MCF2L2: variants seen among roughly 807,000 people sequenced by gnomAD.
The protein encoded by MCF2L2 is MCF.2 cell line derived transforming sequence-like 2, also known as probable guanine nucleotide exchange factor MCF2L2.
Under a neutral mutation model 150.2 loss-of-function variants are expected in MCF2L2, and 102 were observed. The observed-to-expected ratio is 0.68, with a 90% confidence interval of 0.58 to 0.80. The LOEUF is 0.80. MCF2L2 is among the 30% of genes least tolerant of loss of function. MCF2L2 has a pLI of 0.00. For missense variants in MCF2L2, 1,256 were observed against 1,372.8 expected (o/e 0.91, Z 1.34); for synonymous variants, 465 against 491.3 (o/e 0.95, Z 0.71).
intron 14 of MCF2L2, among the ~76,000 whole-genome samples, chr3:183,282,184 T>C (rs1727528897): frequency 6.6e-6 from 1 of 151,744 alleles, no homozygotes. Context: ...TTTTATTTTA[T>C]TTTATTTTAT....
chr3:183,392,058 A>T (rs1364776147), intron 1 of MCF2L2, among the ~76,000 whole-genome samples: 1 of 152,188 alleles, frequency 6.6e-6, no homozygotes, highest in African/African-American at 2.4e-5. Flanking sequence ...TGGCCAAGCA[A>T]GCATATTTCA....
intron 15 of MCF2L2, among the ~76,000 whole-genome samples, chr3:183,232,620 T>C (rs1363331843): frequency 6.6e-6 from 1 of 152,158 alleles, no homozygotes; most frequent in Non-Finnish European, 1.5e-5. Context: ...TCCTAGAAAA[T>C]GATTTGTTTT....
At chr3:183,184,700 G>A (rs1721635810) in intron 27 of MCF2L2, among the ~76,000 whole-genome samples, 2 of 152,172 alleles carry the variant, frequency 1.3e-5, no homozygotes, top group South Asian at 4.1e-4. Context: ...CTAGTAATGA[G>A]CTGAAATTAT....
chr3:183,190,725 C>A (rs1440326692), intron 27 of MCF2L2, among the ~76,000 whole-genome samples: 1 of 152,170 alleles, frequency 6.6e-6, no homozygotes, highest in Non-Finnish European at 1.5e-5. Flanking sequence ...CAGCTGAGGG[C>A]AACTGCCTGA....
intron 5 of MCF2L2, among the ~76,000 whole-genome samples, chr3:183,325,113 G>A (rs1189932598): frequency 9.1e-6 from 1 of 110,384 alleles, no homozygotes; most frequent in South Asian, 3.3e-4. Flanking sequence ...TCCGGGGACT[G>A]TTGTGGGGTG....
chr3:183,207,457 G>A, intron 23 of MCF2L2, 151 bp downstream of exon 23: 1 of 640,268 alleles, frequency 1.6e-6, no homozygotes, highest in Non-Finnish European at 2.7e-6. Context: ...GAGTCAGACA[G>A]ACCCGGCTAT....
chr3:183,343,689 G>T (rs1259659515), intron 3 of MCF2L2, among the ~76,000 whole-genome samples: 1 of 152,088 alleles, frequency 6.6e-6, no homozygotes. Context: ...ACTTGAATCT[G>T]CAAGAAGAAA....
Position 183,270,227 on chromosome 3 carries a change from A to G in MCF2L2, c.1862+6645T>C. 1 of 1,614,186 alleles carries G rather than the reference A, an allele frequency of 6.2e-7. No individual in the cohort carries two copies. Among genetic ancestry groups the G allele is most frequent in the Non-Finnish European group, 8.5e-7 (1 of 1,180,018 alleles). ...ATCCACTGGAGGGAGAAGAACTACA[A>G]AGAAAACTGGCTTGGGAAGATCAAA... is the stretch of plus-strand genomic sequence containing the variant. On this transcript the variant is annotated intron_variant, in intron 15 of 29. Transcript: ENST00000328913. The surrounding 1 kb of genome is among the most constrained non-coding windows in gnomAD (Gnocchi z 4.5).
At chr3:183,306,687 G>T (rs1360860083) in intron 10 of MCF2L2, among the ~76,000 whole-genome samples, 4 of 152,228 alleles carry the variant, frequency 2.6e-5, no homozygotes, top group African/African-American at 9.6e-5. Context: ...GAAATTGAAT[G>T]ATGGACACTT....
chr3:183,249,801 G>C (rs1477307600), intron 15 of MCF2L2, among the ~76,000 whole-genome samples: 1 of 152,218 alleles, frequency 6.6e-6, no homozygotes, highest in African/African-American at 2.4e-5. Context: ...CTACGGATGG[G>C]ATTCTTGGAA....
At chr3:183,210,976 C>T (rs555744091) in intron 22 of MCF2L2, among the ~76,000 whole-genome samples, 2 of 152,148 alleles carry the variant, frequency 1.3e-5, no homozygotes, top group African/African-American at 4.8e-5. Context: ...CTGAAGAAAA[C>T]AGGAGGAAGT....
chr3:183,296,891 G>A, intron 12 of MCF2L2, 85 bp downstream of exon 12: 2 of 1,434,238 alleles, frequency 1.4e-6, no homozygotes, highest in Non-Finnish European at 1.9e-6. Context: ...AGTACCCTGT[G>A]TGTACTTTAT....
chr3:183,297,502 G>A (rs1441281208), intron 11 of MCF2L2: 1 of 250,350 alleles, frequency 4.0e-6, no homozygotes, highest in African/African-American at 2.2e-5. Flanking sequence ...ACCCAGGCTG[G>A]AGTACAGTAG....
At chr3:183,393,224 G>A (rs1274408873) in intron 1 of MCF2L2, among the ~76,000 whole-genome samples, 7 of 135,778 alleles carry the variant, frequency 5.2e-5, no homozygotes, top group African/African-American at 1.7e-4. Flanking sequence ...GTGGAGTTTC[G>A]CTCTTGTTGC....
intron 14 of MCF2L2, among the ~76,000 whole-genome samples, chr3:183,278,927 T>C (rs752305161): frequency 2.0e-5 from 3 of 152,194 alleles, no homozygotes; most frequent in African/African-American, 4.8e-5. Context: ...TCTGCTGACA[T>C]GTGTCAGATG....
Position 183,180,089 on chromosome 3 carries a change from C to T in MCF2L2, c.3087G>A (p.Lys1029=), listed in dbSNP as rs778653217. ...EDCEGAEDME[K]ESSALSLAGL... ...TAATTACACTCAGAGCACTGCTCTC[C>T]TTTTCCATGTCTTCTGCGCCTTCAC... Residue 1029 remains lysine (K), a synonymous_variant, in exon 28 of 30, where the codon AAG becomes AAA. Coordinates refer to ENST00000328913, the MANE Select transcript of MCF2L2 (RefSeq NM_015078.4). 1 of 1,613,936 alleles carries T rather than the reference C, an allele frequency of 6.2e-7. No individual in the cohort carries two copies.
At chr3:183,294,221 A>G (rs1055721257) in intron 13 of MCF2L2, among the ~76,000 whole-genome samples, 6 of 152,206 alleles carry the variant, frequency 3.9e-5, no homozygotes, top group African/African-American at 1.4e-4. Flanking sequence ...GAACTTACCT[A>G]TTTTTTAAAT....
intron 1 of MCF2L2, among the ~76,000 whole-genome samples, chr3:183,427,420 G>A (rs967273568): frequency 2.0e-5 from 3 of 152,166 alleles, no homozygotes; most frequent in African/African-American, 7.2e-5. Flanking sequence ...CAGGCCTAGC[G>A]GCCGAGCTGC....
chr3:183,286,073 G>A (rs1378275898), intron 14 of MCF2L2, among the ~76,000 whole-genome samples: 1 of 152,182 alleles, frequency 6.6e-6, no homozygotes, highest in Non-Finnish European at 1.5e-5. Context: ...GATGGCCCCG[G>A]AAGAGTCTCA....
Sources: gnomAD v4.1 joint callset for allele counts (sites outside exome capture counted in the v4.1 genomes callset) on GRCh38, gnomAD v4.1.1 for gene constraint, Gnocchi (gnomAD v3.1) non-coding constraint, MANE v1.5 for transcripts, NCBI Gene and HGNC (gene_info 2026-07-23, HGNC 2026-07-21) for gene names.